The following GCNT1 variants were observed in gnomAD, a reference collection of about 807,000 sequenced individuals.
GCNT1 encodes beta-1,3-galactosyl-O-glycosyl-glycoprotein beta-1,6-N-acetylglucosaminyltransferase.
Under a neutral mutation model 26.2 loss-of-function variants are expected in GCNT1, and 16 were observed. The ratio of observed to expected loss-of-function variants is 0.61; its 90% confidence interval spans 0.41 to 0.93. The LOEUF is 0.93. GCNT1 is among the 40% of genes least tolerant of loss of function. The pLI, the probability that GCNT1 is intolerant of heterozygous loss-of-function variation, is 0.00. For missense variants in GCNT1, 477 were observed against 526.7 expected (o/e 0.91, Z 0.92); for synonymous variants, 183 against 190.8 (o/e 0.96, Z 0.34).
Position 76,443,898 on chromosome 9 carries a change from AAAGGAAGAAAGG to A in GCNT1, c.-290+1587_-290+1598del, listed in dbSNP as rs1334339900. Among the ~76,000 whole-genome samples, 23 of 51,180 alleles carry A rather than the reference AAAGGAAGAAAGG, an allele frequency of 4.5e-4. 1 individual carries two copies. The highest frequency in any genetic ancestry group is 1.6e-3 in the African/African-American group (19 of 11,708). The allele number at this position is 51,180 out of a possible 152,430, so 33.6% of individuals were successfully genotyped here. A position where few individuals can be genotyped will look rare whatever the true frequency, so the allele number is the denominator to read the frequency against. On this transcript the variant is annotated intron_variant, in intron 1 of 2. Coordinates refer to the GCNT1 transcript ENST00000442371. Reference sequence around the variant, plus strand: ...AAAGGAAAGAAAGAAAGAAAGAAAGAAAGGAAGAAAGGAAGAAAGGAAGAAAGGAAGAAAGGA... The same window carrying A: ...AAAGGAAAGAAAGAAAGAAAGAAAGAAAGAAAGGAAGAAAGGAAGAAAGGA...
At chr9:76,429,771 G>C (rs951301143) in intron 1 of GCNT1, among the ~76,000 whole-genome samples, 8 of 142,944 alleles carry the variant, frequency 5.6e-5, no homozygotes, top group Admixed American at 4.5e-4. Flanking sequence ...CTGGAGTTCA[G>C]TGGCGCAATC....
intron 2 of GCNT1, among the ~76,000 whole-genome samples, chr9:76,479,436 ACT>A (rs1303871742): frequency 3.9e-5 from 6 of 152,234 alleles, no homozygotes; most frequent in African/African-American, 1.4e-4. Context: ...GAATCGCCAC[ACT>A]GTCTTCCACA....
upstream of GCNT1, among the ~76,000 whole-genome samples, chr9:76,438,426 TCAGTAG>T (rs1220705439): frequency 2.6e-5 from 4 of 152,210 alleles, no homozygotes; most frequent in Non-Finnish European, 5.9e-5. Flanking sequence ...TTGAAGCTTC[TCAGTAG>T]CAGACTTTGT....
intron 2 of GCNT1, among the ~76,000 whole-genome samples, chr9:76,478,605 T>C (rs1160470911): frequency 6.6e-6 from 1 of 152,236 alleles, no homozygotes; most frequent in Non-Finnish European, 1.5e-5. Flanking sequence ...TGTGTCTGAC[T>C]TACTTGAGTT....
At chr9:76,501,311 T>C (rs1825060293) in intron 3 of GCNT1, among the ~76,000 whole-genome samples, 2 of 152,236 alleles carry the variant, frequency 1.3e-5, no homozygotes, top group Admixed American at 6.5e-5. Context: ...TGCCAAGTTA[T>C]AAAATTGATT....
At chr9:76,455,376 AT>A (rs554705483), upstream of GCNT1, among the ~76,000 whole-genome samples, 25 of 152,322 alleles carry the variant, frequency 1.6e-4, no homozygotes, top group African/African-American at 5.3e-4. Flanking sequence ...TCAGCTAACC[AT>A]TTATAAGATG....
At chr9:76,423,063 A>C (rs1823219049) in intron 1 of GCNT1, among the ~76,000 whole-genome samples, 2 of 152,236 alleles carry the variant, frequency 1.3e-5, no homozygotes, top group African/African-American at 4.8e-5. Flanking sequence ...AGGTATTTTC[A>C]ATTTATGATG....
chr9:76,481,311 C>G (rs565052654), intron 2 of GCNT1, among the ~76,000 whole-genome samples: 1 of 151,804 alleles, frequency 6.6e-6, no homozygotes, highest in Admixed American at 6.6e-5. Flanking sequence ...TCTGCTTGAT[C>G]AAGACTTTAG....
the GCNT1 span, among the ~76,000 whole-genome samples, chr9:76,403,464 G>C: frequency 2.0e-5 from 3 of 152,158 alleles, no homozygotes; most frequent in Non-Finnish European, 4.4e-5. Flanking sequence ...CATTCCTCAT[G>C]CATCCACAAG....
chr9:76,416,869 G>T (rs943081170), upstream of GCNT1, among the ~76,000 whole-genome samples: 1 of 152,114 alleles, frequency 6.6e-6, no homozygotes, highest in Non-Finnish European at 1.5e-5. Context: ...GACCAGCCTG[G>T]CCATCATGGT....
chr9:76,488,478 C>T (rs2131626082), intron 2 of GCNT1, among the ~76,000 whole-genome samples: 1 of 152,192 alleles, frequency 6.6e-6, no homozygotes, highest in Middle Eastern at 3.4e-3. Context: ...TCTTCCAACC[C>T]TTTTATTGAG....
intron 2 of GCNT1, among the ~76,000 whole-genome samples, chr9:76,498,704 C>G (rs1029260577): frequency 4.7e-5 from 7 of 148,420 alleles, no homozygotes; most frequent in Non-Finnish European, 7.4e-5. Context: ...ACCCGGGAGC[C>G]AGAGGTTGCA....
chr9:76,489,486 C>T (rs1291449161), intron 2 of GCNT1, among the ~76,000 whole-genome samples: 1 of 152,198 alleles, frequency 6.6e-6, no homozygotes, highest in Non-Finnish European at 1.5e-5. Context: ...GTTGCCACTG[C>T]TGGCTCAGGT....
chr9:76,396,053 T>G, the GCNT1 span, among the ~76,000 whole-genome samples: 1 of 152,222 alleles, frequency 6.6e-6, no homozygotes, highest in Non-Finnish European at 1.5e-5. Context: ...TTTAACTTCA[T>G]CAGCAGTGAT....
At chr9:76,425,196 C>T (rs954437317) in intron 1 of GCNT1, among the ~76,000 whole-genome samples, 5 of 145,018 alleles carry the variant, frequency 3.4e-5, no homozygotes, top group Non-Finnish European at 6.0e-5. Context: ...ACATGAAAAA[C>T]GTCACCCAAA....
Position 76,502,763 on chromosome 9 carries a change from G to T in GCNT1, c.382G>T (p.Val128Leu). The T allele has an allele frequency of 6.2e-7, 1 of 1,614,190 alleles. No individual in the cohort carries two copies. Among genetic ancestry groups the T allele is most frequent in the Non-Finnish European group, 8.5e-7 (1 of 1,180,026 alleles). ...GGAGTTTCCAATAGCATATTCTATAGTGGTTCATCACAAGATTGAAATGCT... is the reference window on the plus strand; with the variant it reads ...GGAGTTTCCAATAGCATATTCTATATTGGTTCATCACAAGATTGAAATGCT... ...EAEFPIAYSIVVHHKIEMLDR... is the reference protein window; with the variant it reads ...EAEFPIAYSILVHHKIEMLDR... The change falls in exon 4 of 4, where the codon GTG (valine) becomes TTG (leucine). Residue 128 changes from valine (V) to leucine (L), a missense_variant. Val to Leu is a conservative substitution (Grantham distance 32). Coordinates refer to ENST00000376730, the MANE Select transcript of GCNT1 (RefSeq NM_001490.5).
At chr9:76,479,683 C>T (rs919786368) in intron 2 of GCNT1, among the ~76,000 whole-genome samples, 1 of 152,146 alleles carries the variant, frequency 6.6e-6, no homozygotes, top group African/African-American at 2.4e-5. Context: ...CTGTTCATAT[C>T]CTTCGCCCAC....
upstream of GCNT1, among the ~76,000 whole-genome samples, chr9:76,454,353 T>C (rs371317335): frequency 8.4e-5 from 10 of 118,558 alleles, no homozygotes; most frequent in East Asian, 2.7e-3. Flanking sequence ...TACTCCAGCC[T>C]GGGCAACAAG....
intron 1 of GCNT1, among the ~76,000 whole-genome samples, chr9:76,425,478 C>T (rs980674308): frequency 6.6e-6 from 1 of 152,096 alleles, no homozygotes; most frequent in African/African-American, 2.4e-5. Flanking sequence ...CCACCTCGGC[C>T]TCCCAAAGTG....
Sources: allele counts gnomAD v4.1 joint callset (sites outside exome capture counted in the v4.1 genomes callset), GRCh38; gene constraint gnomAD v4.1.1; transcripts MANE v1.5; gene names NCBI Gene and HGNC (gene_info 2026-07-23, HGNC 2026-07-21).